Variants in SH3BP4 observed in about 807,000 individuals in gnomAD.
The protein encoded by SH3BP4 is SH3 domain binding protein 4.
Under a neutral mutation model 65.5 loss-of-function variants are expected in SH3BP4, and 33 were observed. The ratio of observed to expected loss-of-function variants is 0.50; its 90% CI spans 0.38 to 0.67. The LOEUF (loss-of-function observed/expected upper bound fraction) is 0.67. Among genes scored for constraint, SH3BP4 ranks in the 30% least tolerant of loss-of-function variants. SH3BP4 has a pLI of 0.00. For missense variants in SH3BP4, 1,134 were observed against 1,261.4 expected, an observed-to-expected ratio of 0.90 and a Z score of 1.53; for synonymous variants, 552 against 545.5, an observed-to-expected ratio of 1.01 and a Z score of -0.17.
Position 234,959,503 on chromosome 2 carries a change from A to G in SH3BP4, c.-207+7333A>G, listed in dbSNP as rs184195111. 2.6e-5 allele frequency among the ~76,000 whole-genome samples: 4 copies of G among 152,278 alleles called. No homozygotes were observed. The East Asian group carries it at 7.7e-4, about 29-fold the overall frequency. On this transcript the variant is annotated intron_variant, in intron 1 of 5. Coordinates refer to ENST00000392011, the MANE Select transcript of SH3BP4 (RefSeq NM_014521.3). ...AAACTTACAATATATGATAGAAGTAATTCCTCCCTATGAATAATAAACGGC... is the reference window on the plus strand; with the variant it reads ...AAACTTACAATATATGATAGAAGTAGTTCCTCCCTATGAATAATAAACGGC...
chr2:234,971,041 A>G (rs1692985022), intron 1 of SH3BP4, among the ~76,000 whole-genome samples: 1 of 152,186 alleles, frequency 6.6e-6, no homozygotes, highest in Non-Finnish European at 1.5e-5. Flanking sequence ...GTGGTAAAAG[A>G]CATAATATAA....
At chr2:235,039,565 A>G (rs937123763) in intron 3 of SH3BP4, among the ~76,000 whole-genome samples, 10 of 151,962 alleles carry the variant, frequency 6.6e-5, no homozygotes, top group Non-Finnish European at 1.2e-4. Flanking sequence ...GAATGTCAGC[A>G]GACTCCGTAA....
At chr2:235,001,137 G>A (rs779103059) in intron 2 of SH3BP4, among the ~76,000 whole-genome samples, 4 of 152,220 alleles carry the variant, frequency 2.6e-5, no homozygotes, top group Non-Finnish European at 5.9e-5. Flanking sequence ...TGGGGCATCT[G>A]CTGCTCTTCC....
At chr2:235,013,108 G>C (rs548491614) in intron 2 of SH3BP4, among the ~76,000 whole-genome samples, 2 of 152,326 alleles carry the variant, frequency 1.3e-5, no homozygotes, top group African/African-American at 2.4e-5. Context: ...AATGAATCTT[G>C]CATCAGCAGA....
chr2:235,007,952 T>C (rs1694351756), intron 2 of SH3BP4, among the ~76,000 whole-genome samples: 1 of 152,080 alleles, frequency 6.6e-6, no homozygotes. Context: ...GAGGAGACCC[T>C]CTGAAGGAGG....
intron 2 of SH3BP4, among the ~76,000 whole-genome samples, chr2:235,006,729 G>A (rs546573535): frequency 1.2e-4 from 18 of 152,264 alleles, no homozygotes; most frequent in African/African-American, 3.4e-4. Flanking sequence ...AAATGGAAGC[G>A]TCCGTCTGTA....
intron 3 of SH3BP4, among the ~76,000 whole-genome samples, chr2:235,038,257 A>AATATATATTATATATAAT (rs1695459604): frequency 2.3e-5 from 1 of 43,988 alleles, no homozygotes; most frequent in African/African-American, 8.9e-5. Context: ...TATTATATAT[A>AATATATATTATATATAAT]ATATATATTA....
chr2:235,044,009 G>A (rs1181996688), intron 4 of SH3BP4, among the ~76,000 whole-genome samples: 1 of 152,238 alleles, frequency 6.6e-6, no homozygotes, highest in Non-Finnish European at 1.5e-5. Context: ...CTGTGCTCTC[G>A]CCATTCAGTT....
chr2:235,041,335 C>T lies in SH3BP4; in HGVS notation c.566C>T (p.Thr189Ile). ...PSLDELNPKS[T>I]VDLLLFDAGT... ...CTGGATGAGCTGAATCCCAAAAGTACTGTGGATTTGCTCCTTTTTGACGCA... is the reference window on the plus strand; with the variant it reads ...CTGGATGAGCTGAATCCCAAAAGTATTGTGGATTTGCTCCTTTTTGACGCA... Residue 189 changes from threonine (T) to isoleucine (I), a missense_variant, in exon 4 of 6, where the codon ACT (threonine) becomes ATT (isoleucine). By Grantham distance (89) the Thr-to-Ile change is moderately conservative (BLOSUM62 -1). Coordinates refer to ENST00000392011, the MANE Select transcript of SH3BP4 (RefSeq NM_014521.3). This position sits in a 1 kb window ranked among gnomAD's most constrained non-coding sequence, Gnocchi z 6.0. 1 of 1,614,208 alleles carries T rather than the reference C, an allele frequency of 6.2e-7. No homozygotes were observed. The highest frequency in any genetic ancestry group is 1.1e-5 in the South Asian group (1 of 91,086).
chr2:235,050,715 C>T (rs1696021191), intron 4 of SH3BP4, among the ~76,000 whole-genome samples: 4 of 151,502 alleles, frequency 2.6e-5, no homozygotes, highest in Admixed American at 2.6e-4. Flanking sequence ...AATGCTCAGT[C>T]TAAAACAGCT....
Position 235,053,579 on chromosome 2 carries a change from C to T in SH3BP4, c.2668-13C>T, listed in dbSNP as rs1448862139. On this transcript the variant is annotated splice_polypyrimidine_tract_variant and intron_variant, in intron 5 of 5. Transcript: ENST00000392011. The stretch of plus-strand genomic sequence containing the variant: ...CTCTCCCTCCTTTTGTTTTTTACAA[C>T]TCCACCTCCCAGGCCATGTGGAAGC... 4.4e-6 allele frequency: 7 copies of T among 1,607,486 alleles called. No individual in the cohort carries two copies. Among genetic ancestry groups the T allele is most frequent in the African/African-American group, 1.3e-5 (1 of 74,776 alleles).
intron 1 of SH3BP4, among the ~76,000 whole-genome samples, chr2:234,968,722 A>G (rs1383967663): frequency 6.6e-6 from 1 of 152,122 alleles, no homozygotes; most frequent in African/African-American, 2.4e-5. Flanking sequence ...TCCCCGATCC[A>G]CACTCACGGC....
At position 235,042,969 on chromosome 2, in the gene SH3BP4, G is replaced by A. The variant is rs142061325; in HGVS notation, c.2200G>A (p.Glu734Lys). The A allele has an allele frequency of 7.6e-5, 122 of 1,612,838 alleles. No homozygotes were observed. The African/African-American group carries it at 1.2e-3, about 16-fold the overall frequency. The change falls in exon 4 of 6, where the codon GAG (glutamate) becomes AAG (lysine). Residue 734 changes from glutamate to lysine, a missense_variant. Transcript: ENST00000392011. This position sits in a 1 kb window ranked among gnomAD's most constrained non-coding sequence, Gnocchi z 7.3. ...RARPSLCSGP[E>K]LSTSVLLEQI... ...CCGGCCCAGCCTGTGCTCGGGCCCC[G>A]AGCTGAGCACCTCGGTGCTGCTGGA...
At position 235,040,956 on chromosome 2, in the gene SH3BP4, A is replaced by G. The variant is rs769788798; in HGVS notation, c.187A>G (p.Ile63Val). 1.2e-6 allele frequency: 2 copies of G among 1,614,166 alleles called. No homozygotes were observed. The highest frequency in any genetic ancestry group is 1.7e-6 in the Non-Finnish European group (2 of 1,180,032). Reference protein sequence around the residue: ...PFGNAKEVIAIKDYCPTNFTT... With the variant: ...PFGNAKEVIAVKDYCPTNFTT... ...CGGAAATGCAAAGGAAGTGATTGCG[A>G]TCAAGGACTATTGCCCCACCAACTT... The change falls in exon 4 of 6, where the codon ATC becomes GTC. Residue 63 changes from isoleucine to valine, a missense_variant. Physicochemically the swap from Ile to Val is conservative, Grantham distance 29 (BLOSUM62 3). Coordinates refer to ENST00000392011, the MANE Select transcript of SH3BP4 (RefSeq NM_014521.3).
At position 234,984,551 on chromosome 2, in the gene SH3BP4, G is replaced by C. The variant is rs548991617; in HGVS notation, c.-206-10752G>C. Among the ~76,000 whole-genome samples, 7 of 152,234 alleles carry C rather than the reference G, an allele frequency of 4.6e-5. No homozygotes were observed. The South Asian group carries it at 1.5e-3, about 32-fold the overall frequency. On this transcript the variant is annotated intron_variant, in intron 1 of 5. Transcript: ENST00000392011. ...GTCAGATGAGGAATCAATCCCCTTT[G>C]CTGAGTATAAGTGTATCTTATTAAC...
intron 1 of SH3BP4, among the ~76,000 whole-genome samples, chr2:234,961,300 T>A (rs996520789): frequency 3.3e-5 from 5 of 152,194 alleles, no homozygotes; most frequent in Admixed American, 6.5e-5. Flanking sequence ...GAGATGGAGT[T>A]TTGCTCTGTC....
At chr2:235,032,073 A>G (rs1387324014) in intron 2 of SH3BP4, among the ~76,000 whole-genome samples, 2 of 152,202 alleles carry the variant, frequency 1.3e-5, no homozygotes, top group Admixed American at 1.3e-4. Context: ...TCCCTTCTGC[A>G]GGAGAGTTGT....
chr2:234,979,884 CT>C (rs1297770067), intron 1 of SH3BP4: 2 of 152,136 alleles, frequency 1.3e-5, no homozygotes, highest in Non-Finnish European at 2.9e-5. Flanking sequence ...ACACCCCAGC[CT>C]GGGCCAAGAC....
At chr2:234,982,341 G>A (rs886260114) in intron 1 of SH3BP4, among the ~76,000 whole-genome samples, 4 of 152,160 alleles carry the variant, frequency 2.6e-5, no homozygotes, top group African/African-American at 7.2e-5. Flanking sequence ...CCGCCTGCTG[G>A]TGCTGGGCTG....
Sources: allele counts gnomAD v4.1 joint callset (sites outside exome capture counted in the v4.1 genomes callset), GRCh38; gene constraint gnomAD v4.1.1; non-coding constraint Gnocchi (gnomAD v3.1); transcripts MANE v1.5; gene names NCBI Gene and HGNC (gene_info 2026-07-23, HGNC 2026-07-21).